MARK3: variants seen among roughly 807,000 people sequenced by gnomAD.
MARK3 encodes microtubule affinity regulating kinase 3, also known as MAP/microtubule affinity-regulating kinase 3.
A neutral mutation model predicts 90.1 loss-of-function variants in MARK3; 46 were observed. The observed-to-expected ratio is 0.51, with a 90% CI of 0.40 to 0.65. The LOEUF is 0.65. Among genes scored for constraint, MARK3 ranks in the 30% least tolerant of loss-of-function variants. The probability of loss-of-function intolerance (pLI) is 0.00; values close to 1 mark genes in which losing one functional copy is unlikely to be tolerated. For missense variants in MARK3, 818 were observed against 947.2 expected (o/e 0.86, Z 1.79); for synonymous variants, 321 against 332.6 (o/e 0.97, Z 0.38).
chr14:103,406,759 C>T (rs970580553), intron 2 of MARK3, among the ~76,000 whole-genome samples: 2 of 149,042 alleles, frequency 1.3e-5, no homozygotes, highest in African/African-American at 2.5e-5. Flanking sequence ...TGAGCCACCA[C>T]GCCCAGCCTA....
intron 1 of MARK3, among the ~76,000 whole-genome samples, chr14:103,399,635 C>G (rs1248617241): frequency 1.4e-5 from 2 of 146,688 alleles, no homozygotes; most frequent in Non-Finnish European, 3.0e-5. Context: ...GGAGGCGGAG[C>G]TTGCAGTGAA....
intron 14 of MARK3, among the ~76,000 whole-genome samples, chr14:103,486,899 A>G (rs2093939270): frequency 7.2e-6 from 1 of 138,688 alleles, no homozygotes; most frequent in African/African-American, 3.2e-5. Flanking sequence ...TTAGTATGTC[A>G]AAAAGTTTAT....
chr14:103,421,589 T>G (rs1344498355), intron 2 of MARK3, among the ~76,000 whole-genome samples: 1 of 152,188 alleles, frequency 6.6e-6, no homozygotes, highest in East Asian at 1.9e-4. Flanking sequence ...CACTGGGACA[T>G]TCCACACACG....
intron 3 of MARK3, among the ~76,000 whole-genome samples, chr14:103,438,520 C>T (rs1325207950): frequency 1.3e-5 from 2 of 152,170 alleles, no homozygotes; most frequent in Admixed American, 6.5e-5. Flanking sequence ...GGAAATTCAG[C>T]TTGCATGTGG....
At chr14:103,479,916 A>G (rs1233814198) in intron 13 of MARK3, among the ~76,000 whole-genome samples, 1 of 152,116 alleles carries the variant, frequency 6.6e-6, no homozygotes, top group Non-Finnish European at 1.5e-5. Context: ...TTGGGATTAC[A>G]GGTGTGAGCT....
intron 17 of MARK3, 123 bp from the exon 18 acceptor site, chr14:103,502,759 A>G: frequency 1.4e-6 from 1 of 718,166 alleles, no homozygotes. Flanking sequence ...GAGTCTGTGC[A>G]GGAAAATGTG....
rs2093557149 is a variant in MARK3, at chr14:103,468,328, T to C, written c.1264+142T>C. ...CTTTCTTTCTTCTTTTTTTTTTTTT[T>C]TTTTTTTTTTTTTTGAGACAGAGTC... is the stretch of plus-strand genomic sequence containing the variant. On this transcript the variant is annotated intron_variant, in intron 12 of 17. Coordinates refer to ENST00000429436, the MANE Select transcript of MARK3 (RefSeq NM_001128918.3). 1.7e-5 allele frequency: 11 copies of C among 658,624 alleles called. 1 individual carries two copies. In the South Asian group the frequency reaches 1.9e-4, roughly 11 times the overall value. The allele number at this position is 658,624 out of a possible 1,614,324, so 40.8% of individuals were successfully genotyped here.
rs530970007 is a variant in MARK3 at position 103,398,878 on chromosome 14, C to T, written c.52-6198C>T. ...GTTTTTTAACATTTGGAAACCATAC[C>T]TATGTGTTAAGTAAGTGGCTTGTGA... On this transcript the variant is annotated intron_variant, in intron 1 of 17. Coordinates refer to ENST00000429436, the MANE Select transcript of MARK3 (RefSeq NM_001128918.3). Among the ~76,000 whole-genome samples, 4 of 152,204 alleles carry T rather than the reference C, an allele frequency of 2.6e-5. No individual in the cohort carries two copies. In the South Asian group the frequency reaches 6.2e-4, roughly 24 times the overall value.
chr14:103,474,098 C>T (rs1188920296), intron 12 of MARK3, among the ~76,000 whole-genome samples: 1 of 151,378 alleles, frequency 6.6e-6, no homozygotes, highest in Non-Finnish European at 1.5e-5. Context: ...TCAGCTACTC[C>T]GGAGGCTGAG....
intron 17 of MARK3, 95 bp from the exon 18 acceptor site, chr14:103,502,787 G>C (rs1180977786): frequency 5.4e-6 from 5 of 923,196 alleles, no homozygotes; most frequent in Admixed American, 2.5e-5. Flanking sequence ...GTCGTTAGTT[G>C]TGTTGTATCA....
At chr14:103,392,856 G>A (rs922039571) in intron 1 of MARK3, among the ~76,000 whole-genome samples, 5 of 151,878 alleles carry the variant, frequency 3.3e-5, no homozygotes, top group African/African-American at 1.2e-4. Flanking sequence ...TGTTACCTGG[G>A]CTGGAGTGCA....
chr14:103,472,715 A>G (rs1390510916), intron 12 of MARK3, among the ~76,000 whole-genome samples: 1 of 151,680 alleles, frequency 6.6e-6, no homozygotes, highest in Non-Finnish European at 1.5e-5. Context: ...TACTCACAAT[A>G]AAAAGGAACA....
At chr14:103,424,196 C>T (rs1294876748) in intron 2 of MARK3, among the ~76,000 whole-genome samples, 1 of 150,178 alleles carries the variant, frequency 6.7e-6, no homozygotes, top group East Asian at 2.0e-4. Flanking sequence ...GGTGACAGAG[C>T]GAGACCCTGT....
intron 15 of MARK3, 88 bp downstream of exon 15, chr14:103,492,122 G>T (rs117771822): frequency 0.029 from 43,112 of 1,463,996 alleles, 986 homozygotes; most frequent in South Asian, 0.091. Context: ...ACTGCTACCT[G>T]GATGCTTTTC....
intron 2 of MARK3, among the ~76,000 whole-genome samples, chr14:103,422,499 A>G (rs766482487): frequency 1.3e-5 from 2 of 152,162 alleles, no homozygotes; most frequent in Non-Finnish European, 2.9e-5. Flanking sequence ...AAAGTGCCCA[A>G]ATCATAAGTG....
intron 1 of MARK3, among the ~76,000 whole-genome samples, chr14:103,389,975 G>A (rs1417351901): frequency 4.2e-5 from 6 of 142,832 alleles, no homozygotes; most frequent in South Asian, 4.4e-4. Context: ...AAGGCCGGGC[G>A]CGGTGGCTCA....
intron 13 of MARK3, among the ~76,000 whole-genome samples, chr14:103,476,377 T>G (rs972960139): frequency 9.9e-5 from 15 of 152,184 alleles, no homozygotes; most frequent in African/African-American, 3.6e-4. Flanking sequence ...CCAAGGACCA[T>G]GCTCAGTGCT....
Position 103,387,870 on chromosome 14 carries a change from A to G in MARK3, c.51+1790A>G, listed in dbSNP as rs959010578. On this transcript the variant is annotated intron_variant, in intron 1 of 17. Coordinates refer to ENST00000429436, the MANE Select transcript of MARK3 (RefSeq NM_001128918.3). Reference sequence around the variant, plus strand: ...CCAGAGTAGGAGCTCCATGCTTTCTAAACTGAAGCCAAAAACAGTCATAGC... The same window carrying G: ...CCAGAGTAGGAGCTCCATGCTTTCTGAACTGAAGCCAAAAACAGTCATAGC... Among the ~76,000 whole-genome samples, 8 of 152,194 alleles carry G rather than the reference A, an allele frequency of 5.3e-5. No homozygotes were observed. The East Asian group carries it at 1.3e-3, about 26-fold the overall frequency.
intron 6 of MARK3, among the ~76,000 whole-genome samples, chr14:103,461,948 A>C (rs2093409456): frequency 6.6e-6 from 1 of 151,758 alleles, no homozygotes; most frequent in African/African-American, 2.4e-5. Flanking sequence ...AGGCAGGAGA[A>C]CTGCTTGAAC....
Sources: gnomAD v4.1 joint callset for allele counts (sites outside exome capture counted in the v4.1 genomes callset) on GRCh38, gnomAD v4.1.1 for gene constraint, MANE v1.5 for transcripts, NCBI Gene and HGNC (gene_info 2026-07-23, HGNC 2026-07-21) for gene names.